EPHX4: variants seen among roughly 807,000 people sequenced by gnomAD.
EPHX4 encodes the protein epoxide hydrolase 4.
In EPHX4, 31 loss-of-function variants were observed where a neutral mutation model predicts 44.9. The observed-to-expected ratio is 0.69, with a 90% CI of 0.52 to 0.93. The LOEUF is 0.93. EPHX4 is among the 40% of genes least tolerant of loss of function. EPHX4 has a pLI of 0.00. For synonymous variants in EPHX4, 151 were observed against 159.7 expected, an observed-to-expected ratio of 0.95 and a Z score of 0.41; for missense variants, 373 against 438.1, an observed-to-expected ratio of 0.85 and a Z score of 1.33.
intron 6 of EPHX4, among the ~76,000 whole-genome samples, chr1:92,054,961 T>G (rs1647330633): frequency 1.3e-5 from 2 of 152,106 alleles, no homozygotes; most frequent in Non-Finnish European, 2.9e-5. Flanking sequence ...GTAATTTTTA[T>G]GGAGGATAGA....
At chr1:92,033,869 A>T in intron 2 of EPHX4, among the ~76,000 whole-genome samples, 1 of 152,082 alleles carries the variant, frequency 6.6e-6, no homozygotes, top group Non-Finnish European at 1.5e-5. Context: ...CTGGAGGCAA[A>T]TAAACTTCAT....
intron 3 of EPHX4, among the ~76,000 whole-genome samples, chr1:92,044,641 C>T (rs2101870328): frequency 6.6e-6 from 1 of 152,188 alleles, no homozygotes; most frequent in South Asian, 2.1e-4. Flanking sequence ...TAAGACTTTC[C>T]ATTACTTCAG....
chr1:92,062,237 T>C (rs1308709744), intron 6 of EPHX4, among the ~76,000 whole-genome samples: 1 of 152,082 alleles, frequency 6.6e-6, no homozygotes, highest in Non-Finnish European at 1.5e-5. Context: ...AACATATAAA[T>C]AGTTTAAATC....
At chr1:92,057,905 A>G (rs1647409276) in intron 6 of EPHX4, among the ~76,000 whole-genome samples, 1 of 152,106 alleles carries the variant, frequency 6.6e-6, no homozygotes, top group South Asian at 2.1e-4. Context: ...CCCGGCCTAC[A>G]GGTAAGTTTT....
chr1:92,055,525 T>C (rs1272456959), intron 6 of EPHX4, among the ~76,000 whole-genome samples: 1 of 152,164 alleles, frequency 6.6e-6, no homozygotes, highest in Non-Finnish European at 1.5e-5. Flanking sequence ...TTAATTTAAA[T>C]GGTCTTTGTA....
chr1:92,034,196 A>G (rs1267423166), intron 2 of EPHX4, among the ~76,000 whole-genome samples: 1 of 145,106 alleles, frequency 6.9e-6, no homozygotes, highest in African/African-American at 2.5e-5. Flanking sequence ...GCTACTCGGG[A>G]GGCTGAGGCA....
At chr1:92,048,248 T>C (rs549505462) in intron 4 of EPHX4, among the ~76,000 whole-genome samples, 3 of 152,302 alleles carry the variant, frequency 2.0e-5, no homozygotes, top group Admixed American at 6.5e-5. Flanking sequence ...ATGCTTAGGA[T>C]TCAAATGTCC....
At position 92,030,177 on chromosome 1, in the gene EPHX4, C is replaced by G. The variant is rs2101863487; in HGVS notation, c.98C>G (p.Ser33Cys). Reference sequence around the variant, plus strand: ...TACTGCTACTGCGGGCTCTGCGCCTCCATCCACCTGCTCAAACTTTTGTGG... The same window carrying G: ...TACTGCTACTGCGGGCTCTGCGCCTGCATCCACCTGCTCAAACTTTTGTGG... ...LVYCYCGLCASIHLLKLLWSL... is the reference protein window; with the variant it reads ...LVYCYCGLCACIHLLKLLWSL... Residue 33 changes from serine (S) to cysteine (C), a missense_variant, in exon 1 of 7, where the codon TCC becomes TGC. Coordinates refer to ENST00000370383, the MANE Select transcript of EPHX4 (RefSeq NM_173567.5). The G allele has an allele frequency of 1.2e-6, 2 of 1,612,284 alleles. No homozygotes were observed. Among genetic ancestry groups the G allele is most frequent in the South Asian group, 1.1e-5 (1 of 90,734 alleles).
chr1:92,034,838 C>T (rs1262323376), intron 2 of EPHX4, among the ~76,000 whole-genome samples: 1 of 151,940 alleles, frequency 6.6e-6, no homozygotes, highest in Non-Finnish European at 1.5e-5. Context: ...AAAGTTTTAC[C>T]ATGTTAAACA....
intron 2 of EPHX4, among the ~76,000 whole-genome samples, chr1:92,035,080 G>C (rs904520914): frequency 2.6e-5 from 4 of 152,164 alleles, no homozygotes; most frequent in African/African-American, 9.7e-5. Flanking sequence ...AATTTTTCCA[G>C]AGTGAGAAGT....
chr1:92,038,462 G>C (rs1170900486), intron 2 of EPHX4, among the ~76,000 whole-genome samples: 1 of 152,138 alleles, frequency 6.6e-6, no homozygotes, highest in East Asian at 1.9e-4. Flanking sequence ...TTATTCATTT[G>C]TTGTTTCATT....
intron 1 of EPHX4, among the ~76,000 whole-genome samples, chr1:92,032,020 G>A (rs762776875): frequency 4.6e-5 from 7 of 152,238 alleles, no homozygotes; most frequent in Middle Eastern, 6.8e-3. Flanking sequence ...AGCTCTTGAC[G>A]GGCAAGCTGA....
chr1:92,041,188 G>A (rs543569483), intron 2 of EPHX4, among the ~76,000 whole-genome samples: 2 of 152,168 alleles, frequency 1.3e-5, no homozygotes, highest in East Asian at 3.9e-4. Flanking sequence ...CCAGAACTTG[G>A]CTGCAGCACT....
chr1:92,045,695 A>G (rs1268453971), intron 4 of EPHX4, 35 bp downstream of exon 4: 8 of 1,611,664 alleles, frequency 5.0e-6, no homozygotes, highest in Non-Finnish European at 6.8e-6. Context: ...AGTTCTGCTA[A>G]TGTGACAATT....
At chr1:92,053,085 C>T (rs1647295602) in intron 6 of EPHX4, among the ~76,000 whole-genome samples, 1 of 152,022 alleles carries the variant, frequency 6.6e-6, no homozygotes, top group South Asian at 2.1e-4. Flanking sequence ...ATAGGGAAAA[C>T]AGACATTAAG....
chr1:92,045,205 C>T (rs1042840171), intron 3 of EPHX4, among the ~76,000 whole-genome samples: 3 of 151,826 alleles, frequency 2.0e-5, no homozygotes, highest in Non-Finnish European at 4.4e-5. Context: ...AGGCTGGTCT[C>T]GAACTCCTGG....
chr1:92,044,926 ATGTTTCTTT>A (rs1038112522), intron 3 of EPHX4, among the ~76,000 whole-genome samples: 2 of 151,866 alleles, frequency 1.3e-5, no homozygotes, highest in Non-Finnish European at 2.9e-5. Flanking sequence ...GCTATTTCAG[ATGTTTCTTT>A]TGTTTCTTTT....
intron 4 of EPHX4, among the ~76,000 whole-genome samples, chr1:92,048,014 T>G (rs1215831995): frequency 2.6e-5 from 4 of 152,198 alleles, no homozygotes; most frequent in Admixed American, 6.5e-5. Context: ...TTCTTTACTC[T>G]TGTTAAGTTT....
chr1:92,042,219 G>A (rs1177887504), intron 2 of EPHX4, among the ~76,000 whole-genome samples: 1 of 151,960 alleles, frequency 6.6e-6, no homozygotes, highest in South Asian at 2.1e-4. Context: ...GACTTATTAA[G>A]ACATATATAA....
Sources: allele counts gnomAD v4.1 joint callset (sites outside exome capture counted in the v4.1 genomes callset), GRCh38; gene constraint gnomAD v4.1.1; transcripts MANE v1.5; gene names NCBI Gene and HGNC (gene_info 2026-07-23, HGNC 2026-07-21).